Variants in MAST3 observed in about 807,000 individuals in gnomAD.
MAST3 encodes microtubule-associated serine/threonine-protein kinase 3.
MAST3 carries 43 observed loss-of-function variants against 127.0 expected under a neutral mutation model. The ratio of observed to expected loss-of-function variants is 0.34; its 90% CI spans 0.27 to 0.44. The LOEUF is 0.44. Among genes scored for constraint, MAST3 ranks in the 20% least tolerant of loss-of-function variants. MAST3 has a pLI of 1.00. For synonymous variants in MAST3, 785 were observed against 809.2 expected (o/e 0.97, Z 0.51); for missense variants, 1,390 against 1,919.1 (o/e 0.72, Z 5.15).
intron 2 of MAST3, among the ~76,000 whole-genome samples, chr19:18,108,068 A>T (rs548983613): frequency 1.3e-5 from 2 of 152,264 alleles, no homozygotes; most frequent in South Asian, 4.1e-4. Context: ...AGGCAGGCAG[A>T]TCACTTGAGG....
At chr19:18,147,248 G>A (rs998705804) in intron 26 of MAST3, among the ~76,000 whole-genome samples, 195 bp from the exon 27 acceptor site, 62 of 151,654 alleles carry the variant, frequency 4.1e-4, no homozygotes, top group African/African-American at 1.3e-3. Context: ...GGACTACGGC[G>A]TGCACCATCA....
Position 18,124,787 on chromosome 19 carries a change from G to A in MAST3, c.1078+13G>A. The A allele has an allele frequency of 6.3e-7, 1 of 1,576,962 alleles. No homozygotes were observed. Among genetic ancestry groups the A allele is most frequent in the Admixed American group, 1.9e-5 (1 of 52,044 alleles). The stretch of plus-strand genomic sequence containing the variant: ...GACCCCCTGGAGGGTAAGCCGGGAT[G>A]GGAAGAGGAAACCAAGGCTGGGAAA... On this transcript the variant is annotated intron_variant, in intron 11 of 27. Coordinates refer to ENST00000687212, the MANE Select transcript of MAST3 (RefSeq NM_001393504.1).
intron 1 of MAST3, among the ~76,000 whole-genome samples, chr19:18,106,316 A>G (rs1361243399): frequency 6.6e-6 from 1 of 152,004 alleles, no homozygotes; most frequent in Non-Finnish European, 1.5e-5. Context: ...CAATGGCACC[A>G]TCTCAGCTCA....
chr19:18,099,961 T>C (rs1211610399), intron 1 of MAST3, among the ~76,000 whole-genome samples: 1 of 151,870 alleles, frequency 6.6e-6, no homozygotes, highest in Admixed American at 6.6e-5. Flanking sequence ...ATTGAGGGGC[T>C]GGGAAGACTC....
Position 18,134,885 on chromosome 19 carries a change from C to G in MAST3, c.1773C>G (p.Asp591Glu). 1 of 1,614,066 alleles carries G rather than the reference C, an allele frequency of 6.2e-7. No homozygotes were observed. Among genetic ancestry groups the G allele is most frequent in the Non-Finnish European group, 8.5e-7 (1 of 1,179,956 alleles). The change falls in exon 17 of 28, where the codon GAC becomes GAG. Residue 591 changes from aspartate (D) to glutamate (E), a missense_variant. Coordinates refer to ENST00000687212, the MANE Select transcript of MAST3 (RefSeq NM_001393504.1). ...IFRQGYGKPV[D>E]WWAMGVVLYE... ...GCCAGGGCTATGGGAAGCCAGTGGA[C>G]TGGTGGGCCATGGGCGTCGTCCTCT...
chr19:18,136,121 C>T (rs893195435), intron 18 of MAST3, among the ~76,000 whole-genome samples: 2 of 152,214 alleles, frequency 1.3e-5, no homozygotes, highest in Non-Finnish European at 2.9e-5. Context: ...GTCAAAGGCC[C>T]AGCCCAGAAG....
In MAST3 at chr19:18,145,966, T is replaced by A; in HGVS notation, c.3162+101T>A. On this transcript the variant is annotated intron_variant, in intron 25 of 27. Coordinates refer to ENST00000687212, the MANE Select transcript of MAST3 (RefSeq NM_001393504.1). This position sits in a 1 kb window ranked among gnomAD's most constrained non-coding sequence, Gnocchi z 5.9. ...CCGCGTCCAGACACACAACCCCACA[T>A]TCAATGTCAACTCCAGGCCTGGCAC... is the stretch of plus-strand genomic sequence containing the variant. 1 of 1,384,286 alleles carries A rather than the reference T, an allele frequency of 7.2e-7. No homozygotes were observed. Among genetic ancestry groups the A allele is most frequent in the African/African-American group, 1.5e-5 (1 of 65,966 alleles). 85.8% of individuals were successfully genotyped at this position (1,384,286 alleles called of 1,614,324 possible).
intron 14 of MAST3, 74 bp from the exon 15 acceptor site, chr19:18,131,835 T>G: frequency 6.7e-7 from 1 of 1,489,348 alleles, no homozygotes; most frequent in Non-Finnish European, 9.0e-7. Flanking sequence ...TGCATAGGCA[T>G]TGGGCATAAC....
chr19:18,123,146 G>T, intron 6 of MAST3, 71 bp from the exon 7 acceptor site: 1 of 1,537,864 alleles, frequency 6.5e-7, no homozygotes, highest in East Asian at 2.2e-5. Context: ...GGCCTTGAGG[G>T]GTGGTGCTGG....
chr19:18,132,694 C>A (rs968016395), intron 15 of MAST3, among the ~76,000 whole-genome samples: 1 of 152,188 alleles, frequency 6.6e-6, no homozygotes, highest in African/African-American at 2.4e-5. Flanking sequence ...ATTTATTGAG[C>A]GCCTGCTGTG....
In MAST3 at chr19:18,145,118, G is replaced by A; in HGVS notation, c.2928G>A (p.Leu976=). The A allele has an allele frequency of 1.2e-6, 2 of 1,613,842 alleles. No individual in the cohort carries two copies. The highest frequency in any genetic ancestry group is 1.7e-6 in the Non-Finnish European group (2 of 1,179,878). Residue 976 remains leucine, a synonymous_variant, in exon 24 of 28, where the codon CTG becomes CTA. Transcript: ENST00000687212. The surrounding 1 kb of genome is among the most constrained non-coding windows in gnomAD (Gnocchi z 5.9). The part of the protein sequence containing the change: ...SRDPSPVCGS[L]RPPIVIHSSG... ...ACCCGTCCCCCGTGTGTGGCAGCCT[G>A]CGGCCCCCCATCGTTATCCACAGCT...
chr19:18,132,613 A>G (rs961183157), intron 15 of MAST3, among the ~76,000 whole-genome samples: 2 of 152,208 alleles, frequency 1.3e-5, no homozygotes, highest in South Asian at 4.1e-4. Context: ...ACTGCATGCC[A>G]GACCCTCTGT....
rs1326823001 is a variant in MAST3, at chr19:18,149,269, C to T, written c.3587C>T (p.Pro1196Leu). The T allele has an allele frequency of 6.4e-7, 1 of 1,555,084 alleles. No homozygotes were observed. The highest frequency in any genetic ancestry group is 8.7e-7 in the Non-Finnish European group (1 of 1,154,132). ...CCAGCTGCTGCTGGCCACACCCGCC[C>T]CAGCTCCCTGCACGGCCTGGCTGCC... ...ASPAAAGHTRPSSLHGLAAKL... is the reference protein window; with the variant it reads ...ASPAAAGHTRLSSLHGLAAKL... Residue 1196 changes from proline (P) to leucine (L), a missense_variant, in exon 28 of 28, where the codon CCC (proline) becomes CTC (leucine). By Grantham distance (98) the Pro-to-Leu change is moderately conservative. Transcript: ENST00000687212. The surrounding 1 kb of genome is among the most constrained non-coding windows in gnomAD (Gnocchi z 5.9).
chr19:18,121,800 C>G, intron 4 of MAST3, 27 bp downstream of exon 4: 1 of 1,613,798 alleles, frequency 6.2e-7, no homozygotes, highest in Non-Finnish European at 8.5e-7. Context: ...CCAGCGGGTG[C>G]TGTGTCCTGC....
At chr19:18,100,297 TG>T (rs770001057) in intron 1 of MAST3, among the ~76,000 whole-genome samples, 8 of 152,050 alleles carry the variant, frequency 5.3e-5, no homozygotes, top group Non-Finnish European at 1.0e-4. Flanking sequence ...GGCTAATTTT[TG>T]TATTTTTAGT....
At chr19:18,102,210 C>G (rs1249404538) in intron 1 of MAST3, among the ~76,000 whole-genome samples, 2 of 148,642 alleles carry the variant, frequency 1.3e-5, no homozygotes, top group Admixed American at 1.3e-4. Context: ...TTCACTCTTT[C>G]GCTCTTCTTG....
chr19:18,121,625 C>G (rs1028092437), intron 3 of MAST3, 60 bp from the exon 4 acceptor site: 63 of 1,392,490 alleles, frequency 4.5e-5, no homozygotes, highest in Non-Finnish European at 6.2e-5. Context: ...TTAGGCTGGG[C>G]AGGTGGCTTA....
chr19:18,138,360 A>C (rs1394875066), intron 19 of MAST3, among the ~76,000 whole-genome samples: 2 of 148,552 alleles, frequency 1.3e-5, no homozygotes, highest in Admixed American at 6.8e-5. Context: ...TCTGTCGCCC[A>C]GGCTGGAGTG....
chr19:18,134,688 G>A lies in MAST3; in HGVS notation c.1681G>A (p.Ala561Thr), dbSNP rs748960066. The A allele has an allele frequency of 3.1e-6, 5 of 1,613,620 alleles. No individual in the cohort carries two copies. The highest frequency in any genetic ancestry group is 1.7e-5 in the Admixed American group (1 of 59,914). Residue 561 changes from alanine (A) to threonine (T), a missense_variant, in exon 16 of 28, where the codon GCC becomes ACC. Coordinates refer to ENST00000687212, the MANE Select transcript of MAST3 (RefSeq NM_001393504.1). ...CTATGAGGGCCACATCGAGAAGGAC[G>A]CCCGAGAGTTCATCGACAAGCAGGT... Reference protein sequence around the residue: ...NLYEGHIEKDAREFIDKQVCG... With the variant: ...NLYEGHIEKDTREFIDKQVCG...
Sources: gnomAD v4.1 joint callset for allele counts (sites outside exome capture counted in the v4.1 genomes callset) on GRCh38, gnomAD v4.1.1 for gene constraint, Gnocchi (gnomAD v3.1) non-coding constraint, MANE v1.5 for transcripts, NCBI Gene and HGNC (gene_info 2026-07-23, HGNC 2026-07-21) for gene names.